ARID1B: variants seen among roughly 807,000 people sequenced by gnomAD.
ARID1B encodes AT-rich interaction domain 1B.
A neutral mutation model predicts 212.3 loss-of-function variants in ARID1B; 30 were observed. The observed-to-expected ratio is 0.14, with a 90% CI of 0.11 to 0.19. ARID1B has a LOEUF of 0.19. Ranked by LOEUF, ARID1B falls within the 10% of genes least tolerant of loss-of-function variation. The pLI is 1.00. For missense variants in ARID1B, 2,891 were observed against 3,204.0 expected (o/e 0.90, Z 2.36); for synonymous variants, 1,402 against 1,301.7 (o/e 1.08, Z -1.66).
At chr6:157,056,862 T>C (rs1255429302) in intron 4 of ARID1B, among the ~76,000 whole-genome samples, 2 of 151,488 alleles carry the variant, frequency 1.3e-5, no homozygotes, top group African/African-American at 4.9e-5. Context: ...CTTTTTTTGT[T>C]AAAACTTTTC....
chr6:156,951,246 G>A (rs1243985205), intron 4 of ARID1B, among the ~76,000 whole-genome samples: 2 of 152,154 alleles, frequency 1.3e-5, no homozygotes, highest in South Asian at 2.1e-4. Context: ...ACAGTAAAAC[G>A]TTTGTATAAA....
chr6:156,848,461 C>T (rs1168109950), intron 2 of ARID1B, among the ~76,000 whole-genome samples: 3 of 152,184 alleles, frequency 2.0e-5, no homozygotes, highest in African/African-American at 4.8e-5. Context: ...TCAAAGTGAT[C>T]GTGCACTTCC....
At chr6:157,062,212 T>TC (rs1783385274) in intron 4 of ARID1B, among the ~76,000 whole-genome samples, 1 of 152,000 alleles carries the variant, frequency 6.6e-6, no homozygotes, top group African/African-American at 2.4e-5. Context: ...TTGTTTTTTT[T>TC]TTTTAGAGAC....
At chr6:156,939,690 T>G (rs979359710) in intron 4 of ARID1B, 5 of 152,164 alleles carry the variant, frequency 3.3e-5, no homozygotes, top group Non-Finnish European at 5.9e-5. Context: ...CATCGCCAGG[T>G]GGGTGTTATT....
Position 157,208,715 on chromosome 6 carries a change from CTTTTTTTTTTTT to C in ARID1B, c.*831_*842del, listed in dbSNP as rs878880822. ...AAACATACCCTCATTTTTTTCTTTT[CTTTTTTTTTTTT>C]TTTTTTAGTACAAAGTTTTAGTTTC... On this transcript the variant is annotated 3_prime_UTR_variant, in exon 20 of 20. Coordinates refer to ENST00000636930, the MANE Select transcript of ARID1B (RefSeq NM_001374828.1). 1.4e-5 allele frequency: 2 copies of C among 140,030 alleles called. No individual in the cohort carries two copies. The highest frequency in any genetic ancestry group is 6.1e-4 in the South Asian group (2 of 3,270). 8.7% of individuals were successfully genotyped at this position (140,030 alleles called of 1,614,324 possible).
At chr6:156,792,324 C>T (rs1048909694) in intron 1 of ARID1B, among the ~76,000 whole-genome samples, 2 of 152,146 alleles carry the variant, frequency 1.3e-5, no homozygotes, top group East Asian at 1.9e-4. Context: ...CATGCAAGGC[C>T]GGACCCAGTG....
chr6:157,010,891 A>G (rs1485279285), intron 4 of ARID1B, among the ~76,000 whole-genome samples: 2 of 152,256 alleles, frequency 1.3e-5, no homozygotes, highest in Non-Finnish European at 2.9e-5. Context: ...GATCACTAAT[A>G]GAACTATCAT....
At position 157,094,567 on chromosome 6, in the gene ARID1B, C is replaced by G. The variant is rs1048357473; in HGVS notation, c.2491+9662C>G. On this transcript the variant is annotated intron_variant, in intron 5 of 19. Coordinates refer to ENST00000636930, the MANE Select transcript of ARID1B (RefSeq NM_001374828.1). This position sits in a 1 kb window ranked among gnomAD's most constrained non-coding sequence, Gnocchi z 4.3. ...ATGGGGTTTCGCCATGTTGGCCAGGCTGGTCTCGAACTCCTGACCTCTCGA... is the reference window on the plus strand; with the variant it reads ...ATGGGGTTTCGCCATGTTGGCCAGGGTGGTCTCGAACTCCTGACCTCTCGA... Among the ~76,000 whole-genome samples, 1 of 152,144 alleles carries G rather than the reference C, an allele frequency of 6.6e-6. No individual in the cohort carries two copies. The highest frequency in any genetic ancestry group is 1.9e-4 in the East Asian group (1 of 5,194).
Position 157,210,644 on chromosome 6 carries a change from G to A in ARID1B, c.*2753G>A, listed in dbSNP as rs1476924563. ...ATTGCTTTGTCCTAAAAATTAGTCG[G>A]TTTTTTTTTTTCTATGAGGCTTTTC... is the stretch of plus-strand genomic sequence containing the variant. On this transcript the variant is annotated 3_prime_UTR_variant, in exon 20 of 20. Coordinates refer to ENST00000636930, the MANE Select transcript of ARID1B (RefSeq NM_001374828.1). 1 of 185,510 alleles carries A rather than the reference G, an allele frequency of 5.4e-6. No individual in the cohort carries two copies. The highest frequency in any genetic ancestry group is 2.4e-5 in the African/African-American group (1 of 41,108). The allele number at this position is 185,510 out of a possible 1,614,324, so 11.5% of individuals were successfully genotyped here. A position where few individuals can be genotyped will look rare whatever the true frequency, so the allele number is the denominator to read the frequency against.
At chr6:156,796,477 A>G (rs780695645) in intron 1 of ARID1B, among the ~76,000 whole-genome samples, 5 of 148,926 alleles carry the variant, frequency 3.4e-5, no homozygotes, top group Non-Finnish European at 5.9e-5. Flanking sequence ...AATCTCTGTC[A>G]TTATGATGAA....
intron 4 of ARID1B, chr6:156,937,175 C>G (rs116991236): frequency 6.6e-6 from 1 of 151,662 alleles, no homozygotes; most frequent in African/African-American, 2.4e-5. Context: ...GCAGATAGTT[C>G]GCAGCTTGGT....
intron 4 of ARID1B, among the ~76,000 whole-genome samples, chr6:157,062,711 T>A (rs1310165874): frequency 2.3e-4 from 35 of 149,396 alleles, no homozygotes; most frequent in East Asian, 2.2e-3. Context: ...TATATATTTT[T>A]TTTTTTTTTG....
intron 4 of ARID1B, among the ~76,000 whole-genome samples, chr6:156,994,407 CTGAT>C (rs2128412963): frequency 6.6e-6 from 1 of 152,176 alleles, no homozygotes; most frequent in African/African-American, 2.4e-5. Context: ...AGAACGCCCT[CTGAT>C]TGTTTCCGGA....
chr6:157,085,298 C>T (rs1409583628), intron 5 of ARID1B, among the ~76,000 whole-genome samples: 4 of 152,048 alleles, frequency 2.6e-5, no homozygotes, highest in African/African-American at 9.7e-5. Context: ...CAATACTTGC[C>T]ACAGCATTTA....
At chr6:156,923,440 GA>G (rs995263204) in intron 3 of ARID1B, among the ~76,000 whole-genome samples, 1 of 152,122 alleles carries the variant, frequency 6.6e-6, no homozygotes, top group Non-Finnish European at 1.5e-5. Flanking sequence ...ACACACTCTA[GA>G]GAAAGAATAT....
At chr6:157,144,753 G>A (rs555655408) in intron 7 of ARID1B, among the ~76,000 whole-genome samples, 17 of 152,308 alleles carry the variant, frequency 1.1e-4, no homozygotes, top group African/African-American at 2.6e-4. Context: ...CTTTTCCGCC[G>A]AGACTGCGTG....
chr6:157,154,568 G>GTTTT (rs770934447), intron 8 of ARID1B, among the ~76,000 whole-genome samples: 3 of 118,506 alleles, frequency 2.5e-5, no homozygotes, highest in African/African-American at 6.2e-5. Flanking sequence ...CTGCTCTTCT[G>GTTTT]TTTTTTTTTT....
At chr6:157,103,133 A>G (rs751336203) in intron 5 of ARID1B, among the ~76,000 whole-genome samples, 5 of 152,260 alleles carry the variant, frequency 3.3e-5, no homozygotes, top group Admixed American at 6.5e-5. Flanking sequence ...GTTTACAGAG[A>G]AAGTTTGTCT....
chr6:157,154,649 G>A (rs144255364), intron 8 of ARID1B, among the ~76,000 whole-genome samples: 4 of 141,594 alleles, frequency 2.8e-5, no homozygotes, highest in South Asian at 2.2e-4. Flanking sequence ...GCACAATATC[G>A]GCTCACTGCA....
Sources: gnomAD v4.1 joint callset for allele counts (sites outside exome capture counted in the v4.1 genomes callset) on GRCh38, gnomAD v4.1.1 for gene constraint, Gnocchi (gnomAD v3.1) non-coding constraint, MANE v1.5 for transcripts, NCBI Gene and HGNC (gene_info 2026-07-23, HGNC 2026-07-21) for gene names.